The following CLCN1 variants were observed in gnomAD, a reference collection of about 807,000 sequenced individuals.
CLCN1 encodes chloride channel protein 1.
Under a neutral mutation model 114.5 loss-of-function variants are expected in CLCN1, and 100 were observed. The ratio of observed to expected loss-of-function variants is 0.87; its 90% CI spans 0.74 to 1.03. The LOEUF (loss-of-function observed/expected upper bound fraction) is 1.03. Among genes scored for constraint, CLCN1 ranks in the 50% least tolerant of loss-of-function variants. The probability of loss-of-function intolerance (pLI) is 0.00; values close to 1 mark genes in which losing one functional copy is unlikely to be tolerated. For synonymous variants in CLCN1, 485 were observed against 487.1 expected (o/e 1.00, Z 0.06); for missense variants, 1,188 against 1,250.0 (o/e 0.95, Z 0.75).
chr7:143,316,388 C>T lies in CLCN1; in HGVS notation c.176C>T (p.Thr59Ile). The change falls in exon 1 of 23, where the codon ACA becomes ATA. Residue 59 changes from threonine (T) to isoleucine (I), a missense_variant. Coordinates refer to ENST00000343257, the MANE Select transcript of CLCN1 (RefSeq NM_000083.3). ...DAGPRHNVHP[T>I]QIYGHHKEQF... ...GGCCCCCGCCACAACGTCCACCCCA[C>T]ACAGGTAAAGTGCTCTAAGGGGAGA... The T allele has an allele frequency of 1.9e-6, 3 of 1,612,806 alleles. No homozygotes were observed. The highest frequency in any genetic ancestry group is 2.5e-6 in the Non-Finnish European group (3 of 1,179,952).
intron 16 of CLCN1, among the ~76,000 whole-genome samples, chr7:143,343,981 C>T (rs1168139221): frequency 6.6e-6 from 1 of 152,178 alleles, no homozygotes; most frequent in Non-Finnish European, 1.5e-5. Context: ...GCTGGGATTA[C>T]AGGAATGCAC....
intron 6 of CLCN1, 64 bp downstream of exon 6, chr7:143,323,450 G>A: frequency 8.4e-7 from 1 of 1,190,138 alleles, no homozygotes; most frequent in Non-Finnish European, 1.3e-6. Context: ...TGTGTGTCCA[G>A]GGTGTTGGGA....
rs146551219 is a variant in CLCN1 at position 143,320,873 on chromosome 7, C to T, written c.433+78C>T. ...GGTAAGCAGGGTGTGTTATCGGAAGCGAATGTTAAGCAGGGTGTGTTATGG... is the reference window on the plus strand; with the variant it reads ...GGTAAGCAGGGTGTGTTATCGGAAGTGAATGTTAAGCAGGGTGTGTTATGG... On this transcript the variant is annotated intron_variant, in intron 3 of 22. Transcript: ENST00000343257. The T allele has an allele frequency of 4.6e-4, 710 of 1,533,774 alleles. 5 individuals carry two copies. In the African/African-American group the frequency reaches 8.5e-3, roughly 18 times the overall value.
chr7:143,316,698 G>A (rs117991105), intron 1 of CLCN1, among the ~76,000 whole-genome samples: 75 of 152,312 alleles, frequency 4.9e-4, no homozygotes, highest in Non-Finnish European at 9.6e-4. Context: ...CCTACGTGGA[G>A]TGGATTGCGT....
chr7:143,328,788 T>C (rs1205138159), intron 7 of CLCN1, among the ~76,000 whole-genome samples: 1 of 152,142 alleles, frequency 6.6e-6, no homozygotes, highest in Admixed American at 6.5e-5. Flanking sequence ...AAGCAAGCTC[T>C]GTCTGCCCCA....
Position 143,339,489 on chromosome 7 carries a change from C to A in CLCN1, c.1472-22C>A. 1 of 1,577,900 alleles carries A rather than the reference C, an allele frequency of 6.3e-7. No individual in the cohort carries two copies. Among genetic ancestry groups the A allele is most frequent in the Non-Finnish European group, 8.7e-7 (1 of 1,146,892 alleles). ...GGAACTTGGATCTCGTAACACCTTC[C>A]TTCCTTTTATCTTCCCTCTAGGAGC... On this transcript the variant is annotated intron_variant, in intron 13 of 22. Transcript: ENST00000343257. This position sits in a 1 kb window ranked among gnomAD's most constrained non-coding sequence, Gnocchi z 4.1.
At chr7:143,333,209 G>T (rs985401298) in intron 12 of CLCN1, among the ~76,000 whole-genome samples, 18 of 152,068 alleles carry the variant, frequency 1.2e-4, no homozygotes, top group Non-Finnish European at 2.5e-4. Context: ...GCTGACGCAG[G>T]AGAATCACTT....
intron 22 of CLCN1, among the ~76,000 whole-genome samples, chr7:143,351,291 G>A (rs1803392204): frequency 6.6e-6 from 1 of 152,154 alleles, no homozygotes; most frequent in African/African-American, 2.4e-5. Context: ...TTTGAGGAAA[G>A]CTGCGGAAAA....
At chr7:143,345,799 T>A in intron 17 of CLCN1, 37 bp downstream of exon 17, 1 of 1,599,180 alleles carries the variant, frequency 6.3e-7, no homozygotes, top group African/African-American at 1.4e-5. Context: ...GTGGGATAGA[T>A]CAGGAGCAAA....
At chr7:143,349,021 G>A (rs1182443003) in intron 20 of CLCN1, among the ~76,000 whole-genome samples, 2 of 152,200 alleles carry the variant, frequency 1.3e-5, no homozygotes, top group African/African-American at 2.4e-5. Flanking sequence ...GCTAAGACGG[G>A]TAAGTCAATT....
chr7:143,346,589 C>T lies in CLCN1; in HGVS notation c.2295C>T (p.Pro765=), dbSNP rs370616385. ...PEAPEPAGQR[P]SIFQSLLHCL... ...CACCTGTCCTCTCAGGTCAAAGACC[C>T]TCCATCTTCCAGTCCCTGCTTCACT... is the stretch of plus-strand genomic sequence containing the variant. The change falls in exon 19 of 23, where the codon CCC becomes CCT. Residue 765 remains proline (P), a synonymous_variant. Coordinates refer to ENST00000343257, the MANE Select transcript of CLCN1 (RefSeq NM_000083.3). The T allele has an allele frequency of 6.2e-7, 1 of 1,613,646 alleles. No homozygotes were observed. The highest frequency in any genetic ancestry group is 8.5e-7 in the Non-Finnish European group (1 of 1,179,692).
At chr7:143,338,220 G>A (rs1274426949) in intron 12 of CLCN1, among the ~76,000 whole-genome samples, 5 of 152,082 alleles carry the variant, frequency 3.3e-5, no homozygotes, top group Admixed American at 3.3e-4. Flanking sequence ...TGGAGTTCTA[G>A]CTTACAAAAT....
At position 143,324,138 on chromosome 7, in the gene CLCN1, AT is replaced by A. The variant is rs1463127506; in HGVS notation, c.775-273del. ...TCTTGCTGTCTCTTTTCTGCTTATC[AT>A]TTATTGATTTACGTGCCTGGCATAT... On this transcript the variant is annotated intron_variant, in intron 6 of 22. Transcript: ENST00000343257. The surrounding 1 kb of genome is among the most constrained non-coding windows in gnomAD (Gnocchi z 4.6). 6.6e-6 allele frequency among the ~76,000 whole-genome samples: 1 copy of A among 152,106 alleles called. No individual in the cohort carries two copies. The highest frequency in any genetic ancestry group is 1.5e-5 in the Non-Finnish European group (1 of 68,018).
At chr7:143,331,734 G>C in intron 10 of CLCN1, 82 bp downstream of exon 10, 1 of 945,884 alleles carries the variant, frequency 1.1e-6, no homozygotes. Context: ...TTTGGGGAAG[G>C]CATTAAATGC....
chr7:143,330,779 A>G lies in CLCN1; in HGVS notation c.861A>G (p.Leu287=), dbSNP rs771454498. The G allele has an allele frequency of 6.2e-6, 10 of 1,613,952 alleles. No homozygotes were observed. In the Admixed American group the frequency reaches 1.3e-4, roughly 22 times the overall value. ...ACTTCTGTGCCCCTGCAGGAGTGCT[A>G]TTTAGCATCGAGGTCACCTCCACCT... is the stretch of plus-strand genomic sequence containing the variant. ...CCFGTPLGGV[L]FSIEVTSTYF... Residue 287 remains leucine (L), a synonymous_variant, in exon 8 of 23, where the codon CTA becomes CTG. Transcript: ENST00000343257.
chr7:143,346,451 G>A, intron 18 of CLCN1, 128 bp from the exon 19 acceptor site: 1 of 800,958 alleles, frequency 1.2e-6, no homozygotes, highest in Non-Finnish European at 2.2e-6. Context: ...TGATTTAGGA[G>A]GGTAGAAGAG....
Position 143,321,232 on chromosome 7 carries a change from A to G in CLCN1, c.434-133A>G, listed in dbSNP as rs1241234455. The G allele has an allele frequency of 1.1e-5, 12 of 1,085,868 alleles. No homozygotes were observed. In the African/African-American group the frequency reaches 1.9e-4, roughly 17 times the overall value. The allele number at this position is 1,085,868 out of a possible 1,614,324, so 67.3% of individuals were successfully genotyped here. A position where few individuals can be genotyped will look rare whatever the true frequency, so the allele number is the denominator to read the frequency against. On this transcript the variant is annotated intron_variant, in intron 3 of 22. Coordinates refer to ENST00000343257, the MANE Select transcript of CLCN1 (RefSeq NM_000083.3). The surrounding 1 kb of genome is among the most constrained non-coding windows in gnomAD (Gnocchi z 4.2). ...ATAACTCAGGCTTCCCATGTGTCAA[A>G]TGAGAGCAGCACCATCTCAGAAGGG...
At chr7:143,333,039 C>T (rs555092408) in intron 12 of CLCN1, among the ~76,000 whole-genome samples, 166 bp downstream of exon 12, 85 of 152,300 alleles carry the variant, frequency 5.6e-4, no homozygotes, top group African/African-American at 1.9e-3. Flanking sequence ...TGGCTCACAC[C>T]TGTAATCCCA....
chr7:143,345,431 C>G, intron 16 of CLCN1, 90 bp from the exon 17 acceptor site: 1 of 1,419,876 alleles, frequency 7.0e-7, no homozygotes, highest in Non-Finnish European at 9.3e-7. Flanking sequence ...GGCAGGGTGG[C>G]GCCTCTCCTG....
Sources: allele counts gnomAD v4.1 joint callset (sites outside exome capture counted in the v4.1 genomes callset), GRCh38; gene constraint gnomAD v4.1.1; non-coding constraint Gnocchi (gnomAD v3.1); transcripts MANE v1.5; gene names NCBI Gene and HGNC (gene_info 2026-07-23, HGNC 2026-07-21).